HLCS: variants seen among roughly 807,000 people sequenced by gnomAD.
The protein encoded by HLCS is biotin--protein ligase.
A neutral mutation model predicts 75.0 loss-of-function variants in HLCS; 53 were observed. That is an observed-to-expected ratio of 0.71 (90% CI 0.57 to 0.89). The LOEUF (loss-of-function observed/expected upper bound fraction) is 0.89. HLCS is among the 40% of genes least tolerant of loss of function. The pLI, the probability that HLCS is intolerant of heterozygous loss-of-function variation, is 0.00. For missense variants in HLCS, 966 were observed against 1,074.0 expected (o/e 0.90, Z 1.41); for synonymous variants, 431 against 428.6 (o/e 1.01, Z -0.07).
intron 6 of HLCS, among the ~76,000 whole-genome samples, chr21:36,844,514 T>A (rs567492352): frequency 6.6e-6 from 1 of 152,142 alleles, no homozygotes; most frequent in Non-Finnish European, 1.5e-5. Context: ...GATGCCCACA[T>A]TTTACCTTTG....
At chr21:36,881,247 G>C (rs1009159066) in intron 6 of HLCS, among the ~76,000 whole-genome samples, 1 of 152,170 alleles carries the variant, frequency 6.6e-6, no homozygotes, top group African/African-American at 2.4e-5. Context: ...TGGGATTACA[G>C]ACGTGAGCCA....
intron 6 of HLCS, chr21:36,804,244 G>A (rs1238597692): frequency 6.6e-6 from 1 of 152,276 alleles, no homozygotes; most frequent in Non-Finnish European, 1.5e-5. Context: ...CAGCAGGTAC[G>A]GTAACTGCCA....
chr21:36,956,556 A>G (rs746232010), intron 2 of HLCS, among the ~76,000 whole-genome samples: 32 of 152,086 alleles, frequency 2.1e-4, no homozygotes, highest in East Asian at 5.8e-4. Flanking sequence ...GTGAAACCCC[A>G]TCTCTACTAA....
chr21:36,973,097 G>A (rs1483125867), intron 1 of HLCS, among the ~76,000 whole-genome samples: 2 of 152,002 alleles, frequency 1.3e-5, no homozygotes, highest in Non-Finnish European at 2.9e-5. Context: ...AAGCATGGTG[G>A]TGCATGCCTG....
intron 6 of HLCS, among the ~76,000 whole-genome samples, chr21:36,781,661 A>G (rs2060537935): frequency 6.6e-6 from 1 of 152,118 alleles, no homozygotes; most frequent in Non-Finnish European, 1.5e-5. Flanking sequence ...TCCTCTGCAA[A>G]CAGATAGTTT....
At chr21:36,977,673 A>T (rs1238915385) in intron 1 of HLCS, among the ~76,000 whole-genome samples, 5 of 152,218 alleles carry the variant, frequency 3.3e-5, no homozygotes, top group Non-Finnish European at 7.3e-5. Context: ...CATGGTCTGG[A>T]ATCAGAAACC....
intron 5 of HLCS, among the ~76,000 whole-genome samples, chr21:36,899,963 T>C (rs1354476809): frequency 6.6e-6 from 1 of 151,444 alleles, no homozygotes; most frequent in Non-Finnish European, 1.5e-5. Context: ...AAATTAGCCA[T>C]GCATCGTGGT....
At chr21:36,885,745 C>T (rs2064424986) in intron 6 of HLCS, among the ~76,000 whole-genome samples, 1 of 152,106 alleles carries the variant, frequency 6.6e-6, no homozygotes, top group East Asian at 1.9e-4. Flanking sequence ...GAAGGAGGGC[C>T]CCACATCTTC....
At chr21:36,879,783 G>A (rs1044070620) in intron 6 of HLCS, among the ~76,000 whole-genome samples, 8 of 152,028 alleles carry the variant, frequency 5.3e-5, no homozygotes, top group Non-Finnish European at 7.4e-5. Flanking sequence ...GGTGGCACGC[G>A]CCTGTAGTCC....
intron 6 of HLCS, among the ~76,000 whole-genome samples, chr21:36,875,363 C>T (rs1190539020): frequency 1.3e-5 from 2 of 152,186 alleles, no homozygotes; most frequent in Non-Finnish European, 2.9e-5. Flanking sequence ...CAGGGACACC[C>T]AAGGACCAGT....
chr21:36,929,660 A>C (rs1372786885), intron 5 of HLCS, among the ~76,000 whole-genome samples: 2 of 152,214 alleles, frequency 1.3e-5, no homozygotes. Flanking sequence ...TGTCACAATG[A>C]CTATGAAACT....
intron 5 of HLCS, among the ~76,000 whole-genome samples, chr21:36,912,371 TTAAA>T (rs2065756571): frequency 6.6e-6 from 1 of 151,862 alleles, no homozygotes; most frequent in African/African-American, 2.4e-5. Flanking sequence ...TTACACTAAG[TTAAA>T]TAAAAGCCAG....
chr21:36,796,968 G>C (rs2061044803), intron 6 of HLCS, among the ~76,000 whole-genome samples: 1 of 151,770 alleles, frequency 6.6e-6, no homozygotes, highest in Admixed American at 6.6e-5. Context: ...CCAGGTTCAA[G>C]CAATTCTCCA....
At chr21:36,830,111 C>T (rs1008458664) in intron 6 of HLCS, among the ~76,000 whole-genome samples, 4 of 152,148 alleles carry the variant, frequency 2.6e-5, no homozygotes, top group African/African-American at 9.7e-5. Flanking sequence ...CAGACACACA[C>T]ACAGGAGAGG....
chr21:36,787,223 C>T (rs527430612), intron 6 of HLCS, among the ~76,000 whole-genome samples: 31 of 152,224 alleles, frequency 2.0e-4, no homozygotes, highest in Non-Finnish European at 3.5e-4. Context: ...AGTGCAGGTC[C>T]GGCTCAGTTT....
chr21:36,885,182 G>A (rs936222942), intron 6 of HLCS, among the ~76,000 whole-genome samples: 4 of 152,068 alleles, frequency 2.6e-5, no homozygotes, highest in South Asian at 4.1e-4. Context: ...AAAAACTGTC[G>A]AAATCTTCAA....
At chr21:36,855,536 T>TAA (rs71901243) in intron 6 of HLCS, among the ~76,000 whole-genome samples, 26 of 75,640 alleles carry the variant, frequency 3.4e-4, no homozygotes, top group African/African-American at 1.0e-3. Context: ...AGACTCCATC[T>TAA]AAAAAAAAAA....
chr21:36,793,955 G>A (rs1464451455), intron 6 of HLCS, among the ~76,000 whole-genome samples: 1 of 152,170 alleles, frequency 6.6e-6, no homozygotes, highest in Non-Finnish European at 1.5e-5. Context: ...GTGCCTATGT[G>A]GACAGCTGTT....
intron 6 of HLCS, among the ~76,000 whole-genome samples, chr21:36,770,141 C>CT (rs902358188): frequency 0.07 from 7,259 of 103,650 alleles, 630 homozygotes; most frequent in African/African-American, 0.15. Context: ...ACTATAGATG[C>CT]TTTTTTTTTT....
Sources: allele counts gnomAD v4.1 joint callset (sites outside exome capture counted in the v4.1 genomes callset), GRCh38; gene constraint gnomAD v4.1.1; transcripts MANE v1.5; gene names NCBI Gene and HGNC (gene_info 2026-07-23, HGNC 2026-07-21).